The following TEX11 variants were observed in gnomAD, a reference collection of about 807,000 sequenced individuals.
The protein encoded by TEX11 is testis-expressed protein 11.
Under a neutral mutation model 84.4 loss-of-function variants are expected in TEX11, and 7 were observed. The observed-to-expected ratio is 0.08, with a 90% CI of 0.05 to 0.16. TEX11 has a LOEUF of 0.16. Among genes scored for constraint, TEX11 ranks in the 10% least tolerant of loss-of-function variants. TEX11 has a pLI of 1.00. For missense variants in TEX11, 551 were observed against 660.5 expected, an observed-to-expected ratio of 0.83 and a Z score of 1.82; for synonymous variants, 264 against 222.8, an observed-to-expected ratio of 1.18 and a Z score of -1.64.
At chrX:70,605,353 C>A (rs2089184043) in intron 24 of TEX11, 48 bp downstream of exon 24, 2 of 878,175 alleles carry the variant, frequency 2.3e-6, no homozygotes, top group Non-Finnish European at 3.3e-6. Context: ...GCAAACATAT[C>A]AAATAGCACA....
intron 13 of TEX11, among the ~76,000 whole-genome samples, chrX:70,698,477 ACAGAAGCCAAAAAGGAGG>A (rs1411758062): frequency 9.1e-6 from 1 of 109,588 alleles, no homozygotes; most frequent in Non-Finnish European, 1.9e-5. Flanking sequence ...CTGAAACCCA[ACAGAAGCCAAAAAGGAGG>A]CCATTGAAGA....
At chrX:70,634,897 A>G (rs1397601912) in intron 17 of TEX11, among the ~76,000 whole-genome samples, 1 of 112,445 alleles carries the variant, frequency 8.9e-6, no homozygotes, top group Admixed American at 9.4e-5. Context: ...AATCCATAAA[A>G]GAAGAAAAAT....
chrX:70,883,766 G>A (rs1652802212), intron 2 of TEX11, among the ~76,000 whole-genome samples: 1 of 112,035 alleles, frequency 8.9e-6, no homozygotes, highest in South Asian at 3.7e-4. Context: ...AAAACTGGGG[G>A]TTCACTCGAT....
intron 16 of TEX11, among the ~76,000 whole-genome samples, chrX:70,660,549 A>G (rs2089914693): frequency 9.0e-6 from 1 of 111,389 alleles, no homozygotes; most frequent in South Asian, 3.8e-4. Context: ...AGACCTACAC[A>G]GGCTCGGGAT....
chrX:70,652,223 G>A (rs1048303986), intron 16 of TEX11, among the ~76,000 whole-genome samples: 6 of 111,809 alleles, frequency 5.4e-5, no homozygotes, highest in Non-Finnish European at 9.4e-5. Context: ...CTAAAGCTGA[G>A]AATTTAGTTT....
intron 17 of TEX11, among the ~76,000 whole-genome samples, chrX:70,645,277 C>G (rs2089727244): frequency 9.1e-6 from 1 of 109,714 alleles, no homozygotes. Flanking sequence ...AATTCAACAT[C>G]ATTCCATGAT....
At chrX:70,598,413 TG>T (rs1230255498) in intron 24 of TEX11, among the ~76,000 whole-genome samples, 2 of 111,635 alleles carry the variant, frequency 1.8e-5, no homozygotes, top group African/African-American at 6.5e-5. Flanking sequence ...CAGTCCTGGT[TG>T]GAATGTAAAA....
intron 25 of TEX11, among the ~76,000 whole-genome samples, chrX:70,584,135 T>C (rs748469351): frequency 4.7e-5 from 5 of 105,955 alleles, no homozygotes; most frequent in Admixed American, 4.0e-4. Context: ...AAAAAAAAAT[T>C]AGCCGGGCGC....
At chrX:70,624,036 T>A in intron 19 of TEX11, 30 bp from the exon 20 acceptor site, 1 of 1,154,291 alleles carries the variant, frequency 8.7e-7, no homozygotes, top group Non-Finnish European at 1.2e-6. Context: ...GGAAAGTGAT[T>A]CTTAGGTTAG....
At position 70,530,094 on chromosome X, in the gene TEX11, A is replaced by G. The variant is rs1013026805; in HGVS notation, c.2521-95T>C. ...GCTATGTCCCTTTATTACTAAACAA[A>G]CAATAGGAGCTCTGCTGATGTTTAG... On this transcript the variant is annotated intron_variant, in intron 28 of 29. Coordinates refer to ENST00000374333, the MANE Select transcript of TEX11 (RefSeq NM_031276.3). 4 of 782,155 alleles carry G rather than the reference A, an allele frequency of 5.1e-6. No individual in the cohort carries two copies. The South Asian group carries it at 7.5e-5, about 15-fold the overall frequency. 64.5% of individuals were successfully genotyped at this position (782,155 alleles called of 1,213,427 possible).
chrX:70,853,565 ATCT>A (rs796584459), intron 5 of TEX11, among the ~76,000 whole-genome samples: 2 of 112,289 alleles, frequency 1.8e-5, no homozygotes, highest in African/African-American at 6.5e-5. Flanking sequence ...TTAAAAACAC[ATCT>A]TCTGAGGAAA....
intron 9 of TEX11, among the ~76,000 whole-genome samples, chrX:70,750,933 A>AAATAT (rs1390175136): frequency 0.013 from 360 of 28,168 alleles, 9 homozygotes; most frequent in Non-Finnish European, 0.017. Context: ...AAAAAAAAAA[A>AAATAT]ATATATATAT....
chrX:70,812,787 T>C (rs982208345), intron 8 of TEX11, among the ~76,000 whole-genome samples: 3 of 111,333 alleles, frequency 2.7e-5, no homozygotes, highest in African/African-American at 9.8e-5. Context: ...CCCACAGAAA[T>C]ACAAACTACC....
chrX:70,640,836 C>T (rs927662464), intron 17 of TEX11, among the ~76,000 whole-genome samples: 12 of 110,614 alleles, frequency 1.1e-4, no homozygotes, highest in Non-Finnish European at 2.1e-4. Flanking sequence ...TAAAGACCAT[C>T]GAGACTAGGA....
intron 24 of TEX11, among the ~76,000 whole-genome samples, chrX:70,593,257 T>C (rs1466969385): frequency 1.8e-5 from 2 of 110,992 alleles, no homozygotes; most frequent in Non-Finnish European, 3.8e-5. Context: ...CAGAGGGAGG[T>C]ATAAGCAGTC....
At chrX:70,522,332 T>C in the TEX11 span, among the ~76,000 whole-genome samples, 1 of 112,230 alleles carries the variant, frequency 8.9e-6, no homozygotes, top group African/African-American at 3.2e-5. Flanking sequence ...GGTTGTTATC[T>C]AATTAAATGA....
chrX:70,611,315 T>C (rs980971406), intron 20 of TEX11, among the ~76,000 whole-genome samples: 1 of 111,423 alleles, frequency 9.0e-6, no homozygotes, highest in Non-Finnish European at 1.9e-5. Context: ...CCACAAAAAT[T>C]GGAGAGAAGG....
chrX:70,574,488 A>G (rs949993805), intron 25 of TEX11, among the ~76,000 whole-genome samples: 3 of 111,619 alleles, frequency 2.7e-5, no homozygotes, highest in Non-Finnish European at 3.8e-5. Flanking sequence ...ATACGCTGAT[A>G]ATGACTAAAT....
intron 27 of TEX11, among the ~76,000 whole-genome samples, chrX:70,552,500 GCTGT>G (rs751101090): frequency 0.01 from 1,115 of 110,944 alleles, 19 homozygotes; most frequent in African/African-American, 0.035. Context: ...AGGAGTTGTG[GCTGT>G]CTATTATATT....
Sources: allele counts gnomAD v4.1 joint callset (sites outside exome capture counted in the v4.1 genomes callset), GRCh38; gene constraint gnomAD v4.1.1; transcripts MANE v1.5; gene names NCBI Gene and HGNC (gene_info 2026-07-23, HGNC 2026-07-21).